ZNF521: variants seen among roughly 807,000 people sequenced by gnomAD.
The protein encoded by ZNF521 is zinc finger protein 521.
In ZNF521, 14 loss-of-function variants were observed where a neutral mutation model predicts 105.5. The ratio of observed to expected loss-of-function variants is 0.13; its 90% CI spans 0.09 to 0.21. The LOEUF (loss-of-function observed/expected upper bound fraction) is 0.21, where lower values mean the gene tolerates loss of function less well. Ranked by LOEUF, ZNF521 falls within the 10% of genes least tolerant of loss-of-function variation. ZNF521 has a pLI of 1.00. For synonymous variants in ZNF521, 635 were observed against 606.0 expected (o/e 1.05, Z -0.70); for missense variants, 1,233 against 1,629.7 (o/e 0.76, Z 4.19).
chr18:25,099,070 C>T (rs2033911583), intron 5 of ZNF521, among the ~76,000 whole-genome samples: 1 of 152,082 alleles, frequency 6.6e-6, no homozygotes, highest in Non-Finnish European at 1.5e-5. Context: ...GGGTTATTCA[C>T]CTATTCTTGC....
chr18:25,224,177 A>C (rs894414107), intron 4 of ZNF521, 168 bp downstream of exon 4: 1 of 670,124 alleles, frequency 1.5e-6, no homozygotes, highest in African/African-American at 1.8e-5. Context: ...CTTATCAAGA[A>C]GCAAGTAATT....
Position 25,179,116 on chromosome 18 carries a change from C to CTTTTTTTTTTTTTT in ZNF521, c.3658+16030_3658+16043dup, listed in dbSNP as rs1175859497. Among the ~76,000 whole-genome samples the CTTTTTTTTTTTTTT allele has an allele frequency of 1.4e-3, 74 of 52,484 alleles. 20 individuals carry two copies. Among genetic ancestry groups the CTTTTTTTTTTTTTT allele is most frequent in the Non-Finnish European group, 2.0e-3 (58 of 28,972 alleles). 34.4% of individuals were successfully genotyped at this position (52,484 alleles called of 152,430 possible). ...GACTTATACTTCTTTTTCTTTATTC[C>CTTTTTTTTTTTTTT]TTTTTTTTTTTTTTTTTTTTTTTTT... On this transcript the variant is annotated intron_variant, in intron 5 of 7. Transcript: ENST00000361524.
intron 5 of ZNF521, among the ~76,000 whole-genome samples, chr18:25,152,351 C>A (rs1419786604): frequency 6.6e-6 from 1 of 151,884 alleles, no homozygotes; most frequent in Non-Finnish European, 1.5e-5. Flanking sequence ...TGGTGGCGCA[C>A]ACCTGTGGTC....
chr18:25,119,697 AAG>A (rs1355976821), intron 5 of ZNF521, among the ~76,000 whole-genome samples: 1 of 152,130 alleles, frequency 6.6e-6, no homozygotes, highest in Admixed American at 6.5e-5. Context: ...AAAGAAATTT[AAG>A]AGATACAGAT....
intron 3 of ZNF521, among the ~76,000 whole-genome samples, chr18:25,305,864 G>A (rs753036510): frequency 7.2e-5 from 11 of 152,162 alleles, no homozygotes; most frequent in Non-Finnish European, 1.3e-4. Context: ...ACTAATAATA[G>A]ATAATGTTTA....
At chr18:25,064,085 G>A (rs938507939) in intron 7 of ZNF521, among the ~76,000 whole-genome samples, 1 of 152,236 alleles carries the variant, frequency 6.6e-6, no homozygotes, top group Admixed American at 6.5e-5. Flanking sequence ...GCACATGCCA[G>A]AGCGCTGCAG....
intron 4 of ZNF521, among the ~76,000 whole-genome samples, chr18:25,198,565 A>G (rs1459088836): frequency 6.6e-6 from 1 of 151,836 alleles, no homozygotes; most frequent in Non-Finnish European, 1.5e-5. Context: ...TTACCAAAAT[A>G]CTGAATAGAT....
At position 25,225,180 on chromosome 18, in the gene ZNF521, G is replaced by A. The variant is rs1245477184; in HGVS notation, c.2738C>T (p.Pro913Leu). ...CTTTTTCACGATGGCACTTTCTCCA[G>A]GTCTGATGTTGTGGTCTCGGAGCTG... ...NHQLRDHNIR[P>L]GESAIVKKKA... Residue 913 changes from proline to leucine, a missense_variant, in exon 4 of 8, where the codon CCT (proline) becomes CTT (leucine). Around this residue, in one of 6 missense-constraint regions of ZNF521, gnomAD observed 614 missense variants for 751.5 expected, o/e 0.82. Transcript: ENST00000361524. The surrounding 1 kb of genome is among the most constrained non-coding windows in gnomAD (Gnocchi z 5.6). 1.2e-6 allele frequency: 2 copies of A among 1,614,100 alleles called. No homozygotes were observed. Among genetic ancestry groups the A allele is most frequent in the South Asian group, 1.1e-5 (1 of 91,066 alleles).
intron 5 of ZNF521, among the ~76,000 whole-genome samples, chr18:25,167,237 C>A (rs576679643): frequency 6.6e-6 from 1 of 152,322 alleles, no homozygotes; most frequent in East Asian, 1.9e-4. Flanking sequence ...TTCACATTCA[C>A]AATTTTCCAC....
chr18:25,259,710 A>C (rs1176808315), intron 3 of ZNF521, among the ~76,000 whole-genome samples: 6 of 152,186 alleles, frequency 3.9e-5, no homozygotes, highest in Non-Finnish European at 8.8e-5. Context: ...ACAGCAGTCA[A>C]CGGTATTTCA....
At chr18:25,187,976 C>G (rs2035755360) in intron 5 of ZNF521, among the ~76,000 whole-genome samples, 1 of 152,090 alleles carries the variant, frequency 6.6e-6, no homozygotes. Context: ...CTTTTTATAC[C>G]AGTGGTAATC....
Position 25,227,726 on chromosome 18 carries a change from T to G in ZNF521, c.221-29A>C. ...CAACAAGAAGCAATGACAAATTTCA[T>G]CTGACATGTTGAGATTCAAGAGTGA... On this transcript the variant is annotated intron_variant, in intron 3 of 7. Coordinates refer to ENST00000361524, the MANE Select transcript of ZNF521 (RefSeq NM_015461.3). The surrounding 1 kb of genome is among the most constrained non-coding windows in gnomAD (Gnocchi z 5.7). 6.3e-7 allele frequency: 1 copy of G among 1,577,440 alleles called. No homozygotes were observed. Among genetic ancestry groups the G allele is most frequent in the South Asian group, 1.2e-5 (1 of 86,136 alleles).
At chr18:25,307,138 C>T (rs1912028387) in intron 3 of ZNF521, among the ~76,000 whole-genome samples, 1 of 152,124 alleles carries the variant, frequency 6.6e-6, no homozygotes, top group African/African-American at 2.4e-5. Flanking sequence ...CCCTCTCTAC[C>T]CTATGACCAC....
chr18:25,248,841 C>T (rs1200056246), intron 3 of ZNF521, among the ~76,000 whole-genome samples: 1 of 152,218 alleles, frequency 6.6e-6, no homozygotes, highest in Admixed American at 6.5e-5. Context: ...AAATGCTAAA[C>T]TAATCTATTT....
chr18:25,333,312 C>A (rs994933158), intron 2 of ZNF521, among the ~76,000 whole-genome samples: 292 of 135,794 alleles, frequency 2.2e-3, no homozygotes, highest in South Asian at 3.9e-3. Context: ...CTCTCTCTCT[C>A]TCTATATATA....
intron 3 of ZNF521, among the ~76,000 whole-genome samples, chr18:25,251,068 C>A (rs1252093725): frequency 6.6e-6 from 1 of 152,096 alleles, no homozygotes; most frequent in African/African-American, 2.4e-5. Flanking sequence ...TATTATTTCC[C>A]ATGTAAGCCT....
At chr18:25,109,921 T>C (rs1276981051) in intron 5 of ZNF521, among the ~76,000 whole-genome samples, 1 of 152,254 alleles carries the variant, frequency 6.6e-6, no homozygotes, top group African/African-American at 2.4e-5. Context: ...CTGTTGATTA[T>C]TTCTTCTGCT....
intron 6 of ZNF521, among the ~76,000 whole-genome samples, chr18:25,091,589 G>A (rs1048951006): frequency 6.6e-6 from 1 of 151,918 alleles, no homozygotes; most frequent in African/African-American, 2.4e-5. Flanking sequence ...ACTTTTAGTT[G>A]AACATCTTGT....
chr18:25,170,536 C>T (rs2035429584), intron 5 of ZNF521, among the ~76,000 whole-genome samples: 1 of 152,134 alleles, frequency 6.6e-6, no homozygotes, highest in Admixed American at 6.5e-5. Flanking sequence ...GTTTTGACTA[C>T]ACTAAGTGAT....
Sources: allele counts gnomAD v4.1 joint callset (sites outside exome capture counted in the v4.1 genomes callset), GRCh38; gene constraint gnomAD v4.1.1; regional missense constraint gnomAD v4.1.1; non-coding constraint Gnocchi (gnomAD v3.1); transcripts MANE v1.5; gene names NCBI Gene and HGNC (gene_info 2026-07-23, HGNC 2026-07-21).